ZNF644: variants seen among roughly 807,000 people sequenced by gnomAD.
ZNF644 encodes the protein zinc finger protein 644, also known as zinc finger motif enhancer binding protein 2.
A neutral mutation model predicts 108.0 loss-of-function variants in ZNF644; 20 were observed. The ratio of observed to expected loss-of-function variants is 0.19; its 90% CI spans 0.13 to 0.27. The LOEUF (loss-of-function observed/expected upper bound fraction) is 0.27. Among genes scored for constraint, ZNF644 ranks in the 10% least tolerant of loss-of-function variants. The pLI is 1.00. For missense variants in ZNF644, 1,338 were observed against 1,548.9 expected (o/e 0.86, Z 2.29); for synonymous variants, 542 against 539.1 (o/e 1.01, Z -0.08).
At position 90,952,033 on chromosome 1, in the gene ZNF644, G is replaced by GTC. The variant is rs145531805; in HGVS notation, c.45-10726_45-10725dup. ...AGCTCAAGGGAAGAGTTCAGTATCT[G>GTC]TCTCTCTCTCTCTCCATATTTCTCT... On this transcript the variant is annotated intron_variant, in intron 2 of 5. Coordinates refer to ENST00000337393, the MANE Select transcript of ZNF644 (RefSeq NM_201269.3). 6.6e-5 allele frequency among the ~76,000 whole-genome samples: 10 copies of GTC among 151,852 alleles called. No individual in the cohort carries two copies. The East Asian group carries it at 1.4e-3, about 21-fold the overall frequency.
intron 1 of ZNF644, among the ~76,000 whole-genome samples, chr1:91,016,129 TGTAAA>T (rs959135223): frequency 1.3e-5 from 2 of 152,204 alleles, no homozygotes; most frequent in African/African-American, 2.4e-5. Flanking sequence ...TGTGTCTGTG[TGTAAA>T]GTATTTAGTG....
At position 90,940,464 on chromosome 1, in the gene ZNF644, A is replaced by T. The variant is rs142855207; in HGVS notation, c.890T>A (p.Val297Glu). Residue 297 changes from valine (V) to glutamate (E), a missense_variant, in exon 3 of 6, where the codon GTA (valine) becomes GAA (glutamate). Around this residue, in one of 6 missense-constraint regions of ZNF644, gnomAD observed 464 missense variants for 457.9 expected, o/e 1.01. Transcript: ENST00000337393. ...CTCGGTATAACGAGTTATCTTGCTTACATCCATTTTTCGCTTTCTTTTTTT... is the reference window on the plus strand; with the variant it reads ...CTCGGTATAACGAGTTATCTTGCTTTCATCCATTTTTCGCTTTCTTTTTTT... ...LEKKRKRKMD[V>E]SKITRYTEDC... 22 of 1,613,560 alleles carry T rather than the reference A, an allele frequency of 1.4e-5. No individual in the cohort carries two copies. The highest frequency in any genetic ancestry group is 1.8e-5 in the Non-Finnish European group (21 of 1,179,920).
rs772294901 is a variant in ZNF644, at chr1:90,915,444, C to T, written c.*1354G>A. The T allele has an allele frequency of 1.7e-4, 26 of 152,384 alleles. No individual in the cohort carries two copies. Among genetic ancestry groups the T allele is most frequent in the Non-Finnish European group, 2.1e-4 (14 of 67,986 alleles). 9.4% of individuals were successfully genotyped at this position (152,384 alleles called of 1,614,324 possible). Reference sequence around the variant, plus strand: ...AACTGTTTTTAACTTTATTTACATACGAAGCAAAGAATCAATGCATATCCT... The same window carrying T: ...AACTGTTTTTAACTTTATTTACATATGAAGCAAAGAATCAATGCATATCCT... On this transcript the variant is annotated 3_prime_UTR_variant, in exon 6 of 6. Transcript: ENST00000337393.
intron 2 of ZNF644, among the ~76,000 whole-genome samples, chr1:90,966,951 T>C (rs931409816): frequency 6.6e-6 from 1 of 152,132 alleles, no homozygotes; most frequent in African/African-American, 2.4e-5. Flanking sequence ...AGTTAATGCA[T>C]GTCTGACTTC....
chr1:90,929,491 A>G (rs993196152), intron 4 of ZNF644, among the ~76,000 whole-genome samples: 2 of 152,220 alleles, frequency 1.3e-5, no homozygotes, highest in African/African-American at 4.8e-5. Context: ...AAAATTTTCT[A>G]CTTACACTCT....
chr1:90,958,061 T>C (rs1358186045), intron 2 of ZNF644, among the ~76,000 whole-genome samples: 1 of 150,880 alleles, frequency 6.6e-6, no homozygotes, highest in Non-Finnish European at 1.5e-5. Context: ...AGAATAAGTG[T>C]AACCTCATGA....
intron 4 of ZNF644, among the ~76,000 whole-genome samples, chr1:90,925,982 C>CA (rs1479751190): frequency 3.3e-5 from 5 of 151,970 alleles, no homozygotes; most frequent in African/African-American, 7.3e-5. Flanking sequence ...AAGCAAGTCT[C>CA]GTTAGGTCCC....
At position 90,918,165 on chromosome 1, in the gene ZNF644, G is replaced by A. The variant is rs752973534; in HGVS notation, c.3689-11C>T. ...GCTTACAATCTAAGGCTAAAAAGGG[G>A]AAGAGAAAGACTTAACATTCCTTAT... On this transcript the variant is annotated splice_polypyrimidine_tract_variant and intron_variant, in intron 4 of 5. Coordinates refer to ENST00000337393, the MANE Select transcript of ZNF644 (RefSeq NM_201269.3). 6.9e-6 allele frequency: 11 copies of A among 1,602,144 alleles called. No homozygotes were observed. In the South Asian group the frequency reaches 9.9e-5, roughly 14 times the overall value.
rs201083603 is a variant in ZNF644, at chr1:90,939,708, C to T, written c.1646G>A (p.Gly549Glu). The stretch of plus-strand genomic sequence containing the variant: ...GACCATAGGGCATTTTACCACTGCC[C>T]CATGTGCAATGCCTCGATGGCATTC... The part of the protein sequence containing the change: ...ELECHRGIAH[G>E]AVVKCPMVTS... Residue 549 changes from glycine (G) to glutamate (E), a missense_variant, in exon 3 of 6, where the codon GGG becomes GAG. Gly to Glu is a moderately conservative substitution (Grantham distance 98, BLOSUM62 -2). Transcript: ENST00000337393. The T allele has an allele frequency of 6.2e-7, 1 of 1,613,940 alleles. No individual in the cohort carries two copies. The highest frequency in any genetic ancestry group is 2.2e-5 in the East Asian group (1 of 44,864).
rs202171595 is a variant in ZNF644, at chr1:90,917,009, T to G, written c.3792-19A>C. ...ACAAAACCTACAGAAAGATAACAAT[T>G]CTCTTAACATGACCAATTCTCTTTC... On this transcript the variant is annotated intron_variant, in intron 5 of 5. Coordinates refer to ENST00000337393, the MANE Select transcript of ZNF644 (RefSeq NM_201269.3). 1.6e-5 allele frequency: 25 copies of G among 1,612,900 alleles called. No homozygotes were observed. The East Asian group carries it at 5.6e-4, about 36-fold the overall frequency.
At chr1:90,925,080 A>C (rs1458116930) in intron 4 of ZNF644, among the ~76,000 whole-genome samples, 2 of 152,220 alleles carry the variant, frequency 1.3e-5, no homozygotes, top group Non-Finnish European at 2.9e-5. Flanking sequence ...AACCGCATTC[A>C]AGAAATTCAT....
chr1:90,937,375 G>T (rs1651434840), intron 4 of ZNF644, 110 bp downstream of exon 4: 3 of 1,484,462 alleles, frequency 2.0e-6, no homozygotes, highest in Non-Finnish European at 9.2e-7. Context: ...AAAAAAAGCA[G>T]CTTAAACAGG....
intron 4 of ZNF644, among the ~76,000 whole-genome samples, chr1:90,930,314 A>T (rs896655862): frequency 2.6e-5 from 4 of 152,200 alleles, no homozygotes; most frequent in Non-Finnish European, 5.9e-5. Context: ...ATTGTTCTGA[A>T]GATAATGAAA....
chr1:90,950,957 A>T (rs187255632), intron 2 of ZNF644, among the ~76,000 whole-genome samples: 1 of 152,300 alleles, frequency 6.6e-6, no homozygotes, highest in Non-Finnish European at 1.5e-5. Context: ...GTACAAAAGA[A>T]AGGTTCCCAA....
chr1:90,933,640 G>A (rs1054875476), intron 4 of ZNF644, among the ~76,000 whole-genome samples: 1 of 150,268 alleles, frequency 6.7e-6, no homozygotes, highest in Non-Finnish European at 1.5e-5. Context: ...CTCCAATCTG[G>A]GTGACAGAGC....
At chr1:90,922,942 T>C (rs1187466818) in intron 4 of ZNF644, among the ~76,000 whole-genome samples, 1 of 152,188 alleles carries the variant, frequency 6.6e-6, no homozygotes, top group African/African-American at 2.4e-5. Context: ...CAAATATAAT[T>C]TTCTTTCCTT....
At chr1:90,935,190 T>G (rs985005507) in intron 4 of ZNF644, among the ~76,000 whole-genome samples, 8 of 152,166 alleles carry the variant, frequency 5.3e-5, no homozygotes, top group Non-Finnish European at 4.4e-5. Context: ...TAATTTTTTT[T>G]CCCCCAAATT....
chr1:90,928,136 G>A (rs182640342), intron 4 of ZNF644, among the ~76,000 whole-genome samples: 377 of 150,284 alleles, frequency 2.5e-3, no homozygotes, highest in Non-Finnish European at 4.5e-3. Context: ...TGTTAGCCAC[G>A]GCACCTGGCC....
rs1474242834 is a variant in ZNF644, at chr1:90,940,387, C to T, written c.967G>A (p.Val323Ile). 6.2e-7 allele frequency: 1 copy of T among 1,613,646 alleles called. No individual in the cohort carries two copies. The highest frequency in any genetic ancestry group is 2.2e-5 in the East Asian group (1 of 44,860). The change falls in exon 3 of 6, where the codon GTA (valine) becomes ATA (isoleucine). Residue 323 changes from valine (V) to isoleucine (I), a missense_variant. Physicochemically the swap from Val to Ile is conservative, Grantham distance 29. Coordinates refer to ENST00000337393, the MANE Select transcript of ZNF644 (RefSeq NM_201269.3). ...TCTTCATTTTGTTCTAGAAAGTCTA[C>T]TTCTTGCATTTTTGATTTATTGGGT... ...CVPNKSKMQEVDFLEQNEELQ... is the reference protein window; with the variant it reads ...CVPNKSKMQEIDFLEQNEELQ...
Sources: gnomAD v4.1 joint callset for allele counts (sites outside exome capture counted in the v4.1 genomes callset) on GRCh38, gnomAD v4.1.1 for gene constraint, gnomAD v4.1.1 regional missense constraint, MANE v1.5 for transcripts, NCBI Gene and HGNC (gene_info 2026-07-23, HGNC 2026-07-21) for gene names.